TBX5: variants seen among roughly 807,000 people sequenced by gnomAD.
TBX5 encodes T-box transcription factor TBX5.
Under a neutral mutation model 51.1 loss-of-function variants are expected in TBX5, and 8 were observed. The observed-to-expected ratio is 0.16, with a 90% CI of 0.09 to 0.28. The LOEUF is 0.28. TBX5 is among the 10% of genes least tolerant of loss of function. The pLI is 1.00. For missense variants in TBX5, 589 were observed against 671.7 expected (o/e 0.88, Z 1.36); for synonymous variants, 302 against 266.4 (o/e 1.13, Z -1.30).
intron 7 of TBX5, among the ~76,000 whole-genome samples, chr12:114,370,288 G>GAAAAGAAAAGAAAAGA (rs56105735): frequency 1.1e-4 from 6 of 56,756 alleles, no homozygotes; most frequent in East Asian, 3.3e-4. Flanking sequence ...GAAAAGAAAA[G>GAAAAGAAAAGAAAAGA]AAAGAAAAGA....
intron 8 of TBX5, among the ~76,000 whole-genome samples, chr12:114,358,575 A>G (rs1323334901): frequency 6.6e-6 from 1 of 152,154 alleles, no homozygotes; most frequent in African/African-American, 2.4e-5. Context: ...CTTAACAGCA[A>G]GTAAACTTAT....
intron 3 of TBX5, 124 bp from the exon 4 acceptor site, chr12:114,399,756 G>T (rs1051770459): frequency 5.4e-6 from 8 of 1,468,336 alleles, no homozygotes; most frequent in Admixed American, 5.2e-5. Flanking sequence ...AACTAGCCCC[G>T]TTCCGCTCTC....
intron 6 of TBX5, among the ~76,000 whole-genome samples, chr12:114,387,447 C>T (rs1475250062): frequency 1.3e-5 from 2 of 152,194 alleles, no homozygotes; most frequent in East Asian, 3.8e-4. Context: ...AACTATACAA[C>T]ACTCTAGAAA....
intron 8 of TBX5, among the ~76,000 whole-genome samples, chr12:114,361,750 C>T (rs1186739913): frequency 6.6e-6 from 1 of 152,192 alleles, no homozygotes; most frequent in Non-Finnish European, 1.5e-5. Flanking sequence ...AGAATCCCAA[C>T]TGGAAGGAAA....
upstream of TBX5, among the ~76,000 whole-genome samples, chr12:114,407,501 T>C (rs888180354): frequency 6.6e-6 from 1 of 152,110 alleles, no homozygotes; most frequent in Non-Finnish European, 1.5e-5. Flanking sequence ...GGGATAAAAT[T>C]AATTCCCATA....
chr12:114,366,429 C>G, intron 7 of TBX5, 38 bp from the exon 8 acceptor site: 1 of 1,601,580 alleles, frequency 6.2e-7, no homozygotes. Context: ...CCTATCAGTG[C>G]CCTGATACAG....
intron 6 of TBX5, 105 bp downstream of exon 6, chr12:114,394,636 C>T (rs1445682876): frequency 1.3e-6 from 2 of 1,521,232 alleles, no homozygotes; most frequent in Non-Finnish European, 1.8e-6. Flanking sequence ...AAGTTGGTGA[C>T]TGCTGCCATT....
At chr12:114,394,093 G>A (rs553729803) in intron 6 of TBX5, among the ~76,000 whole-genome samples, 2 of 152,290 alleles carry the variant, frequency 1.3e-5, no homozygotes, top group Admixed American at 6.5e-5. Flanking sequence ...GATCACTTGA[G>A]GCCAGGAGTT....
intron 7 of TBX5, among the ~76,000 whole-genome samples, chr12:114,370,080 C>T (rs568979927): frequency 6.6e-6 from 1 of 151,928 alleles, no homozygotes; most frequent in African/African-American, 2.4e-5. Context: ...CATGACGAAA[C>T]CTTGTCTCTA....
At chr12:114,376,321 GA>G (rs996541527) in intron 7 of TBX5, among the ~76,000 whole-genome samples, 3 of 152,002 alleles carry the variant, frequency 2.0e-5, no homozygotes, top group African/African-American at 7.3e-5. Context: ...TAAAAATAAA[GA>G]AGGAAATCCT....
chr12:114,407,458 C>G (rs1036152195), upstream of TBX5, among the ~76,000 whole-genome samples: 1 of 152,172 alleles, frequency 6.6e-6, no homozygotes, highest in Non-Finnish European at 1.5e-5. Flanking sequence ...TCCAGAAAGA[C>G]CTTCCCAATC....
In TBX5 at chr12:114,355,609, G is replaced by A. The variant is rs1868842143; in HGVS notation, c.1480C>T (p.Pro494Ser). 2 of 1,614,078 alleles carry A rather than the reference G, an allele frequency of 1.2e-6. No homozygotes were observed. The highest frequency in any genetic ancestry group is 1.7e-6 in the Non-Finnish European group (2 of 1,180,054). ...PPEFLYSHGV[P>S]RTLSPHQYHS... is the part of the protein sequence containing the mutation. The stretch of plus-strand genomic sequence containing the variant: ...TACTGATGAGGGGATAGAGTCCTTG[G>A]CACGCCATGAGAGTAGAGGAACTCA... The change falls in exon 9 of 9, where the codon CCA (proline) becomes TCA (serine). Residue 494 changes from proline to serine, a missense_variant. Coordinates refer to ENST00000405440, the MANE Select transcript of TBX5 (RefSeq NM_181486.4).
Position 114,355,938 on chromosome 12 carries a change from G to C in TBX5, c.1151C>G (p.Ala384Gly). The C allele has an allele frequency of 1.2e-6, 2 of 1,613,760 alleles. No individual in the cohort carries two copies. Among genetic ancestry groups the C allele is most frequent in the Non-Finnish European group, 1.7e-6 (2 of 1,180,032 alleles). The change falls in exon 9 of 9, where the codon GCG becomes GGG. Residue 384 changes from alanine (A) to glycine (G), a missense_variant. By Grantham distance (60) the Ala-to-Gly change is moderately conservative. Around this residue, in one of 7 missense-constraint regions of TBX5, gnomAD observed 348 missense variants for 360.4 expected, o/e 0.97. Transcript: ENST00000405440. ...GCTGGGCACAGGCTCGCTGGGGGGCGCAGAGCTGGCATACATGCAAGCTTG... is the reference window on the plus strand; with the variant it reads ...GCTGGGCACAGGCTCGCTGGGGGGCCCAGAGCTGGCATACATGCAAGCTTG... Reference protein sequence around the residue: ...QRQACMYASSAPPSEPVPSLE... With the variant: ...QRQACMYASSGPPSEPVPSLE...
chr12:114,356,495 C>T (rs990960702), intron 8 of TBX5, among the ~76,000 whole-genome samples: 1 of 151,970 alleles, frequency 6.6e-6, no homozygotes, highest in Non-Finnish European at 1.5e-5. Context: ...CTCGGGAGGC[C>T]AAGGAAAAAG....
At chr12:114,394,716 A>T in intron 6 of TBX5, 25 bp downstream of exon 6, 1 of 1,613,972 alleles carries the variant, frequency 6.2e-7, no homozygotes, top group South Asian at 1.1e-5. Context: ...GGCCCCAGGC[A>T]CTGGTTCCTG....
Position 114,394,616 on chromosome 12 carries a change from C to T in TBX5, c.663+125G>A. ...TGCAGCTTTGTCCCCACCCCAGCAC[C>T]CTGGGGTCGAAGTTGGTGACTGCTG... On this transcript the variant is annotated intron_variant, in intron 6 of 8. Coordinates refer to ENST00000405440, the MANE Select transcript of TBX5 (RefSeq NM_181486.4). The T allele has an allele frequency of 2.3e-6, 3 of 1,304,768 alleles. No homozygotes were observed. In the East Asian group the frequency reaches 6.9e-5, roughly 30 times the overall value. 80.8% of individuals were successfully genotyped at this position (1,304,768 alleles called of 1,614,324 possible). A position where few individuals can be genotyped will look rare whatever the true frequency, so the allele number is the denominator to read the frequency against.
At chr12:114,358,428 A>C (rs997978997) in intron 8 of TBX5, among the ~76,000 whole-genome samples, 21 of 152,178 alleles carry the variant, frequency 1.4e-4, no homozygotes, top group African/African-American at 5.1e-4. Flanking sequence ...TGGTTTGTAA[A>C]ATAGCTCCCA....
chr12:114,384,564 G>A (rs1870689849), intron 7 of TBX5, among the ~76,000 whole-genome samples: 1 of 152,028 alleles, frequency 6.6e-6, no homozygotes, highest in Non-Finnish European at 1.5e-5. Flanking sequence ...CTCCCTTTAT[G>A]TTCTTAGGTC....
intron 6 of TBX5, among the ~76,000 whole-genome samples, chr12:114,387,082 G>T (rs1348006857): frequency 6.6e-6 from 1 of 151,778 alleles, no homozygotes; most frequent in Non-Finnish European, 1.5e-5. Flanking sequence ...CTCTAGCTTG[G>T]GCAACAGAGC....
Sources: allele counts gnomAD v4.1 joint callset (sites outside exome capture counted in the v4.1 genomes callset), GRCh38; gene constraint gnomAD v4.1.1; regional missense constraint gnomAD v4.1.1; transcripts MANE v1.5; gene names NCBI Gene and HGNC (gene_info 2026-07-23, HGNC 2026-07-21).